DCLK1: variants seen among roughly 807,000 people sequenced by gnomAD.
DCLK1 encodes serine/threonine-protein kinase DCLK1.
Under a neutral mutation model 86.2 loss-of-function variants are expected in DCLK1, and 16 were observed. That is an observed-to-expected ratio of 0.19 (90% CI 0.13 to 0.28). The LOEUF (loss-of-function observed/expected upper bound fraction) is 0.28. DCLK1 is among the 10% of genes least tolerant of loss of function. The pLI is 1.00. For synonymous variants in DCLK1, 369 were observed against 370.5 expected, an observed-to-expected ratio of 1.00 and a Z score of 0.05; for missense variants, 590 against 940.2, an observed-to-expected ratio of 0.63 and a Z score of 4.87.
At chr13:35,810,469 G>A (rs1042419602) in intron 12 of DCLK1, among the ~76,000 whole-genome samples, 1 of 152,202 alleles carries the variant, frequency 6.6e-6, no homozygotes, top group African/African-American at 2.4e-5. Context: ...AATAACTGCA[G>A]GAGACTGTAA....
intron 6 of DCLK1, chr13:35,850,599 T>C: frequency 1.3e-5 from 17 of 1,292,308 alleles, no homozygotes; most frequent in Non-Finnish European, 1.6e-5. Context: ...TTGGATGATT[T>C]GGTCTTTTAT....
intron 3 of DCLK1, among the ~76,000 whole-genome samples, chr13:35,967,367 C>T (rs1272460706): frequency 4.0e-5 from 6 of 151,326 alleles, no homozygotes; most frequent in South Asian, 2.1e-4. Context: ...ATGACGATGG[C>T]GGTTTTGTCA....
intron 3 of DCLK1, among the ~76,000 whole-genome samples, chr13:36,063,881 C>T (rs1174752923): frequency 6.6e-6 from 1 of 152,088 alleles, no homozygotes; most frequent in African/African-American, 2.4e-5. Flanking sequence ...ATATTTATTA[C>T]ATGAATAAAT....
chr13:35,952,812 A>G lies in DCLK1; in HGVS notation c.724-5355T>C, dbSNP rs542626157. 3.9e-5 allele frequency among the ~76,000 whole-genome samples: 6 copies of G among 152,140 alleles called. No homozygotes were observed. The South Asian group carries it at 1.2e-3, about 32-fold the overall frequency. The stretch of plus-strand genomic sequence containing the variant: ...AAAAACAGTCCATTTATTGCATGAG[A>G]CTCTATGTGATGGTGCTTAGCATTA... On this transcript the variant is annotated intron_variant, in intron 3 of 16. Transcript: ENST00000360631.
chr13:35,771,275 G>A lies in DCLK1; in HGVS notation c.*3260C>T, dbSNP rs1451367436. ...GCTTTCTTTCAACAATATCTGATGG[G>A]CCTGTTAACTGCCACCCATGGGGAG... is the stretch of plus-strand genomic sequence containing the variant. On this transcript the variant is annotated 3_prime_UTR_variant, in exon 17 of 17. Transcript: ENST00000360631. The A allele has an allele frequency of 6.6e-6, 1 of 152,146 alleles. No homozygotes were observed. Among genetic ancestry groups the A allele is most frequent in the East Asian group, 1.9e-4 (1 of 5,198 alleles). The allele number at this position is 152,146 out of a possible 1,614,324, so 9.4% of individuals were successfully genotyped here.
At chr13:35,952,234 T>C (rs1877732466) in intron 3 of DCLK1, among the ~76,000 whole-genome samples, 1 of 152,248 alleles carries the variant, frequency 6.6e-6, no homozygotes, top group African/African-American at 2.4e-5. Flanking sequence ...TCCTAAGTTT[T>C]ATACCAACAT....
At chr13:35,891,190 A>G (rs1433765289) in intron 4 of DCLK1, among the ~76,000 whole-genome samples, 1 of 152,188 alleles carries the variant, frequency 6.6e-6, no homozygotes, top group Non-Finnish European at 1.5e-5. Context: ...CCAATAAGGC[A>G]GATGACTTAG....
At chr13:36,045,396 C>A (rs117965023) in intron 3 of DCLK1, among the ~76,000 whole-genome samples, 5 of 121,416 alleles carry the variant, frequency 4.1e-5, no homozygotes, top group African/African-American at 1.5e-4. Context: ...AAATTGCTAA[C>A]ATCAGTGAAC....
chr13:36,008,269 T>C (rs1881098372), intron 3 of DCLK1, among the ~76,000 whole-genome samples: 1 of 126,542 alleles, frequency 7.9e-6, no homozygotes, highest in African/African-American at 3.0e-5. Context: ...CATGTGCACA[T>C]TGTGCAGGTT....
intron 3 of DCLK1, among the ~76,000 whole-genome samples, chr13:36,056,646 T>A (rs1883326482): frequency 7.5e-6 from 1 of 132,762 alleles, no homozygotes; most frequent in African/African-American, 3.2e-5. Flanking sequence ...AGAAAGAAAT[T>A]CCAGAGCACA....
intron 3 of DCLK1, among the ~76,000 whole-genome samples, chr13:35,973,408 C>G (rs1411231461): frequency 6.6e-6 from 1 of 152,176 alleles, no homozygotes; most frequent in Non-Finnish European, 1.5e-5. Flanking sequence ...GGGAAGCTCT[C>G]CCCTGCACCT....
chr13:36,014,028 T>C (rs557298116), intron 3 of DCLK1, among the ~76,000 whole-genome samples: 1,954 of 152,328 alleles, frequency 0.013, 36 homozygotes, highest in African/African-American at 0.044. Flanking sequence ...TGACCCCTTG[T>C]GCTTCCCAGG....
At chr13:35,843,198 C>A (rs760367914) in intron 6 of DCLK1, among the ~76,000 whole-genome samples, 13 of 152,094 alleles carry the variant, frequency 8.5e-5, no homozygotes, top group African/African-American at 2.9e-4. Flanking sequence ...TGCTTCAATT[C>A]GCTAATTCCA....
rs950892832 is a variant in DCLK1, at chr13:35,817,105, G to A, written c.1554+5624C>T. Among the ~76,000 whole-genome samples, 8 of 152,272 alleles carry A rather than the reference G, an allele frequency of 5.3e-5. No individual in the cohort carries two copies. The South Asian group carries it at 1.7e-3, about 32-fold the overall frequency. On this transcript the variant is annotated intron_variant, in intron 11 of 16. Coordinates refer to ENST00000360631, the MANE Select transcript of DCLK1 (RefSeq NM_001330071.2). ...AGGCTGTGCCATTTTAGAAAGAAAT[G>A]AGTGTCATCTCTTAATGACAGCAGA...
intron 3 of DCLK1, among the ~76,000 whole-genome samples, chr13:36,091,196 T>C (rs1258830665): frequency 6.6e-6 from 1 of 152,140 alleles, no homozygotes; most frequent in Non-Finnish European, 1.5e-5. Flanking sequence ...TTTCATTAGA[T>C]CCCATTTGTC....
At chr13:35,886,176 T>G (rs539001146) in intron 4 of DCLK1, among the ~76,000 whole-genome samples, 1 of 152,158 alleles carries the variant, frequency 6.6e-6, no homozygotes, top group South Asian at 2.1e-4. Flanking sequence ...CATGCCTGGC[T>G]AATTTTTTGT....
At chr13:36,089,602 G>A (rs1884743565) in intron 3 of DCLK1, among the ~76,000 whole-genome samples, 1 of 151,888 alleles carries the variant, frequency 6.6e-6, no homozygotes, top group Admixed American at 6.6e-5. Flanking sequence ...CCATTCTCTG[G>A]CAAAAGCATC....
chr13:35,868,545 G>T (rs1234831586), intron 5 of DCLK1, among the ~76,000 whole-genome samples: 1 of 152,138 alleles, frequency 6.6e-6, no homozygotes, highest in Admixed American at 6.5e-5. Flanking sequence ...GTCAAAGTTG[G>T]TTTGGATGGA....
intron 3 of DCLK1, among the ~76,000 whole-genome samples, chr13:36,057,752 C>T (rs1200757440): frequency 6.6e-6 from 1 of 152,090 alleles, no homozygotes; most frequent in Non-Finnish European, 1.5e-5. Flanking sequence ...CAGAATGAAA[C>T]ATGGGGGTGT....
Sources: gnomAD v4.1 joint callset for allele counts (sites outside exome capture counted in the v4.1 genomes callset) on GRCh38, gnomAD v4.1.1 for gene constraint, MANE v1.5 for transcripts, NCBI Gene and HGNC (gene_info 2026-07-23, HGNC 2026-07-21) for gene names.